SYT17: variants seen among roughly 807,000 people sequenced by gnomAD.
SYT17 encodes synaptotagmin-17.
Under a neutral mutation model 46.7 loss-of-function variants are expected in SYT17, and 22 were observed. The ratio of observed to expected loss-of-function variants is 0.47; its 90% CI spans 0.34 to 0.67. The LOEUF is 0.67. Ranked by LOEUF, SYT17 falls within the 30% of genes least tolerant of loss-of-function variation. The pLI, the probability that SYT17 is intolerant of heterozygous loss-of-function variation, is 0.01. For missense variants in SYT17, 519 were observed against 612.8 expected, an observed-to-expected ratio of 0.85 and a Z score of 1.62; for synonymous variants, 251 against 248.4, an observed-to-expected ratio of 1.01 and a Z score of -0.10.
intron 3 of SYT17, among the ~76,000 whole-genome samples, chr16:19,179,353 C>G (rs1274739948): frequency 6.6e-6 from 1 of 152,140 alleles, no homozygotes; most frequent in Non-Finnish European, 1.5e-5. Context: ...TGATCTCAAA[C>G]TTTCGAGCTC....
chr16:19,261,635 T>C (rs1412977516), intron 7 of SYT17, among the ~76,000 whole-genome samples: 1 of 152,240 alleles, frequency 6.6e-6, no homozygotes, highest in Non-Finnish European at 1.5e-5. Context: ...AAAGTGGACA[T>C]TTTCCTCTGT....
chr16:19,261,083 C>G (rs1255658533), intron 7 of SYT17, among the ~76,000 whole-genome samples: 1 of 152,046 alleles, frequency 6.6e-6, no homozygotes, highest in South Asian at 2.1e-4. Context: ...TCAAGAGATC[C>G]TCCCACCTTG....
In SYT17 at chr16:19,236,800, C is replaced by T. The variant is rs866939555; in HGVS notation, c.1228+11962C>T. On this transcript the variant is annotated intron_variant, in intron 7 of 7. Coordinates refer to ENST00000355377, the MANE Select transcript of SYT17 (RefSeq NM_016524.4). ...TATAGCCAGCCAGAGAAGCTTGTCACGCCTTTGGCATCCAGAGATTTTACT... is the reference window on the plus strand; with the variant it reads ...TATAGCCAGCCAGAGAAGCTTGTCATGCCTTTGGCATCCAGAGATTTTACT... Among the ~76,000 whole-genome samples the T allele has an allele frequency of 9.8e-5, 15 of 152,298 alleles. 1 individual carries two copies. Among genetic ancestry groups the T allele is most frequent in the South Asian group, 6.2e-4 (3 of 4,822 alleles).
At chr16:19,264,329 A>C (rs1015830519) in intron 7 of SYT17, among the ~76,000 whole-genome samples, 8 of 152,180 alleles carry the variant, frequency 5.3e-5, no homozygotes, top group Admixed American at 6.5e-5. Context: ...TTCCAATAAA[A>C]CTTTATTTAC....
chr16:19,243,723 C>T (rs1043870729), intron 7 of SYT17, among the ~76,000 whole-genome samples: 16 of 146,708 alleles, frequency 1.1e-4, no homozygotes, highest in Non-Finnish European at 2.1e-4. Flanking sequence ...GAGGCTGAGG[C>T]AGGAGAATCA....
At chr16:19,244,282 A>G (rs865939740) in intron 7 of SYT17, among the ~76,000 whole-genome samples, 1 of 152,164 alleles carries the variant, frequency 6.6e-6, no homozygotes, top group African/African-American at 2.4e-5. Context: ...GCTATAACAA[A>G]TCAGCTGCCA....
intron 1 of SYT17, among the ~76,000 whole-genome samples, chr16:19,169,029 C>A (rs1012265115): frequency 2.6e-4 from 39 of 151,808 alleles, no homozygotes; most frequent in Admixed American, 3.3e-4. Flanking sequence ...CCACCCGGCC[C>A]GCCAGCTGCC....
chr16:19,177,414 G>A (rs1964357788), intron 3 of SYT17, among the ~76,000 whole-genome samples: 1 of 152,188 alleles, frequency 6.6e-6, no homozygotes, highest in Non-Finnish European at 1.5e-5. Context: ...TCAGCATAAT[G>A]CAAAACGGTA....
In SYT17 at chr16:19,184,014, C is replaced by T. The variant is rs764367169; in HGVS notation, c.818C>T (p.Thr273Ile). Residue 273 changes from threonine (T) to isoleucine (I), a missense_variant, in exon 5 of 8, where the codon ACC (threonine) becomes ATC (isoleucine). Thr to Ile is a moderately conservative substitution (Grantham distance 89). Coordinates refer to ENST00000355377, the MANE Select transcript of SYT17 (RefSeq NM_016524.4). ...CCCTTCCTGGAGGCCCAGAGGAGGA[C>T]CCTGCTCCTGACCGTGGTGGATTTT... ...EIPFLEAQRRTLLLTVVDFDK... is the reference protein window; with the variant it reads ...EIPFLEAQRRILLLTVVDFDK... 2 of 1,614,136 alleles carry T rather than the reference C, an allele frequency of 1.2e-6. No homozygotes were observed. The highest frequency in any genetic ancestry group is 2.2e-5 in the South Asian group (2 of 91,082).
rs764580969 is a variant in SYT17, at chr16:19,249,967, G to A, written c.1229-16913G>A. 13 of 1,535,758 alleles carry A rather than the reference G, an allele frequency of 8.5e-6. 1 individual carries two copies. Among genetic ancestry groups the A allele is most frequent in the East Asian group, 7.3e-5 (3 of 40,930 alleles). On this transcript the variant is annotated intron_variant, in intron 7 of 7. Coordinates refer to ENST00000355377, the MANE Select transcript of SYT17 (RefSeq NM_016524.4). ...ATCCAACAGCCCCATACCAGCCTGCGAACTGAGTAGTCACCCAGCTCATGG... is the reference window on the plus strand; with the variant it reads ...ATCCAACAGCCCCATACCAGCCTGCAAACTGAGTAGTCACCCAGCTCATGG...
At chr16:19,259,812 T>C (rs1349878661) in intron 7 of SYT17, among the ~76,000 whole-genome samples, 1 of 152,066 alleles carries the variant, frequency 6.6e-6, no homozygotes, top group Non-Finnish European at 1.5e-5. Context: ...CGCAATCAGT[T>C]TGGGAGTTTA....
intron 5 of SYT17, among the ~76,000 whole-genome samples, chr16:19,205,018 A>G (rs1307825267): frequency 6.6e-6 from 1 of 152,128 alleles, no homozygotes; most frequent in African/African-American, 2.4e-5. Flanking sequence ...TCCTACAACC[A>G]GGTCCAGGCC....
chr16:19,225,286 G>A (rs1193338374), intron 7 of SYT17, among the ~76,000 whole-genome samples: 2 of 152,022 alleles, frequency 1.3e-5, no homozygotes, highest in African/African-American at 4.8e-5. Context: ...AAATAGAGAG[G>A]CATATGAAAA....
chr16:19,181,412 C>G (rs775758368), intron 4 of SYT17, among the ~76,000 whole-genome samples: 1 of 152,038 alleles, frequency 6.6e-6, no homozygotes, highest in Non-Finnish European at 1.5e-5. Context: ...TGAAACAAAT[C>G]CATTCAGGTG....
chr16:19,202,000 T>C (rs1965485959), intron 5 of SYT17, among the ~76,000 whole-genome samples: 1 of 152,188 alleles, frequency 6.6e-6, no homozygotes, highest in Non-Finnish European at 1.5e-5. Context: ...GTTCATACCT[T>C]GTAAACTGTT....
chr16:19,184,081 G>T lies in SYT17; in HGVS notation c.885G>T (p.Val295=), dbSNP rs746382831. ...ACTGTGTCATTGGGAAAGTTTCTGTGCCTTTGTGTGAAGTTGACCTGGTCA... is the reference window on the plus strand; with the variant it reads ...ACTGTGTCATTGGGAAAGTTTCTGTTCCTTTGTGTGAAGTTGACCTGGTCA... ...SRHCVIGKVS[V]PLCEVDLVKG... is the part of the protein sequence containing the mutation. Residue 295 remains valine, a synonymous_variant, in exon 5 of 8, where the codon GTG becomes GTT. Transcript: ENST00000355377. The T allele has an allele frequency of 1.9e-6, 3 of 1,614,230 alleles. No homozygotes were observed. The African/African-American group carries it at 4.0e-5, about 22-fold the overall frequency.
intron 5 of SYT17, among the ~76,000 whole-genome samples, chr16:19,198,976 G>A (rs1292462739): frequency 6.6e-6 from 1 of 152,188 alleles, no homozygotes; most frequent in African/African-American, 2.4e-5. Context: ...TGAGCTCTGA[G>A]TGGTCGGTGG....
intron 3 of SYT17, among the ~76,000 whole-genome samples, chr16:19,175,640 G>C (rs1596887253): frequency 1.2e-5 from 1 of 80,524 alleles, no homozygotes; most frequent in African/African-American, 5.0e-5. Flanking sequence ...AACAGAGCAA[G>C]ACTTCAAAAA....
intron 7 of SYT17, among the ~76,000 whole-genome samples, chr16:19,227,213 T>G (rs1966527842): frequency 6.6e-6 from 1 of 152,184 alleles, no homozygotes; most frequent in Non-Finnish European, 1.5e-5. Flanking sequence ...AGGGAAAGTT[T>G]AGTGTTTTCC....
Sources: gnomAD v4.1 joint callset for allele counts (sites outside exome capture counted in the v4.1 genomes callset) on GRCh38, gnomAD v4.1.1 for gene constraint, MANE v1.5 for transcripts, NCBI Gene and HGNC (gene_info 2026-07-23, HGNC 2026-07-21) for gene names.